RABL6: variants seen among roughly 807,000 people sequenced by gnomAD.
The protein encoded by RABL6 is rab-like protein 6.
A neutral mutation model predicts 72.9 loss-of-function variants in RABL6; 28 were observed. The ratio of observed to expected loss-of-function variants is 0.38; its 90% CI spans 0.28 to 0.53. The LOEUF (loss-of-function observed/expected upper bound fraction) is 0.53, where lower values mean the gene tolerates loss of function less well. Among genes scored for constraint, RABL6 ranks in the 20% least tolerant of loss-of-function variants. The probability of loss-of-function intolerance (pLI) is 0.80; values close to 1 mark genes in which losing one functional copy is unlikely to be tolerated. For missense variants in RABL6, 1,029 were observed against 1,008.4 expected (o/e 1.02, Z -0.28); for synonymous variants, 477 against 421.2 (o/e 1.13, Z -1.62).
intron 1 of RABL6, among the ~76,000 whole-genome samples, chr9:136,819,531 A>G (rs1848196686): frequency 6.6e-6 from 1 of 152,172 alleles, no homozygotes; most frequent in Non-Finnish European, 1.5e-5. Flanking sequence ...TGTGGTGTAT[A>G]AGAGACACAT....
intron 10 of RABL6, among the ~76,000 whole-genome samples, chr9:136,838,334 C>T (rs1185327774): frequency 6.6e-6 from 1 of 152,188 alleles, no homozygotes. Context: ...TTCAGGCCAC[C>T]AGATGTGGTC....
chr9:136,823,984 G>A (rs932444980), intron 2 of RABL6, among the ~76,000 whole-genome samples: 10 of 152,368 alleles, frequency 6.6e-5, no homozygotes, highest in African/African-American at 2.4e-4. Context: ...CACCCTCTTG[G>A]TGCACATGGT....
At chr9:136,821,388 C>A (rs758597535) in intron 1 of RABL6, 2 of 985,354 alleles carry the variant, frequency 2.0e-6, no homozygotes, top group African/African-American at 1.7e-5. Context: ...GGAAGCACAG[C>A]GCGTGGGCCG....
intron 3 of RABL6, chr9:136,827,597 G>C (rs1482538255): frequency 6.6e-6 from 1 of 152,336 alleles, no homozygotes; most frequent in Non-Finnish European, 1.5e-5. Context: ...TGTGTGTGTT[G>C]GGGACTCTGC....
intron 1 of RABL6, among the ~76,000 whole-genome samples, chr9:136,810,297 T>C (rs1246576802): frequency 6.6e-6 from 1 of 152,158 alleles, no homozygotes; most frequent in African/African-American, 2.4e-5. Context: ...TGTGTGGTCC[T>C]GGGCGAGTGT....
In RABL6 at chr9:136,838,898, C is replaced by T; in HGVS notation, c.1281-11C>T. 1 of 1,561,578 alleles carries T rather than the reference C, an allele frequency of 6.4e-7. No individual in the cohort carries two copies. Among genetic ancestry groups the T allele is most frequent in the Non-Finnish European group, 8.7e-7 (1 of 1,151,954 alleles). ...CCGTGGCCCTTGACCGCTTTGCCCC[C>T]TGCTTTGCAGTGATGGGGAGGCCCT... On this transcript the variant is annotated splice_polypyrimidine_tract_variant and intron_variant, in intron 10 of 14. Transcript: ENST00000311502.
rs756590456 is a variant in RABL6 at position 136,838,005 on chromosome 9, G to T, written c.1270G>T (p.Asp424Tyr). 5 of 1,562,632 alleles carry T rather than the reference G, an allele frequency of 3.2e-6. No individual in the cohort carries two copies. The highest frequency in any genetic ancestry group is 4.3e-6 in the Non-Finnish European group (5 of 1,154,206). ...GGTGGGGGCCAAGGCTGCCCAGCAGGACAGCGACAGGTGAGGGGTGGGCCT... is the reference window on the plus strand; with the variant it reads ...GGTGGGGGCCAAGGCTGCCCAGCAGTACAGCGACAGGTGAGGGGTGGGCCT... Reference protein sequence around the residue: ...KKVGAKAAQQDSDSDGEALGG... With the variant: ...KKVGAKAAQQYSDSDGEALGG... Residue 424 changes from aspartate (D) to tyrosine (Y), a missense_variant, in exon 10 of 15, where the codon GAC becomes TAC. Coordinates refer to ENST00000311502, the MANE Select transcript of RABL6 (RefSeq NM_024718.5).
rs773415529 is a variant in RABL6 at position 136,825,768 on chromosome 9, C to T, written c.266-11C>T. ...TGTTGGGCACTAATTTTAGGATTCT[C>T]CCTGTTTCAGCCACGGATGACATCG... On this transcript the variant is annotated splice_polypyrimidine_tract_variant and intron_variant, in intron 2 of 14. Transcript: ENST00000311502. 1 of 1,613,152 alleles carries T rather than the reference C, an allele frequency of 6.2e-7. No individual in the cohort carries two copies. Among genetic ancestry groups the T allele is most frequent in the African/African-American group, 1.3e-5 (1 of 74,888 alleles).
At chr9:136,837,069 G>T in intron 8 of RABL6, 1 of 577,474 alleles carries the variant, frequency 1.7e-6, no homozygotes, top group South Asian at 1.9e-5. Context: ...TAGAGACGGG[G>T]TTTCACTGCG....
At chr9:136,832,695 A>T in intron 7 of RABL6, 1 of 385,230 alleles carries the variant, frequency 2.6e-6, no homozygotes, top group East Asian at 6.2e-5. Context: ...GCAGTGGCGC[A>T]ATCATGGCTC....
In RABL6 at chr9:136,826,433, G is replaced by A. The variant is rs965436500; in HGVS notation, c.313+607G>A. On this transcript the variant is annotated intron_variant, in intron 3 of 14. Coordinates refer to ENST00000311502, the MANE Select transcript of RABL6 (RefSeq NM_024718.5). This position sits in a 1 kb window ranked among gnomAD's most constrained non-coding sequence, Gnocchi z 4.9. ...GCAGGGCTGGCCACGTGCACGCCCCGGCCTCACAGGCCTGGCTGTGGCCTC... is the reference window on the plus strand; with the variant it reads ...GCAGGGCTGGCCACGTGCACGCCCCAGCCTCACAGGCCTGGCTGTGGCCTC... Among the ~76,000 whole-genome samples, 4 of 152,106 alleles carry A rather than the reference G, an allele frequency of 2.6e-5. No individual in the cohort carries two copies. The highest frequency in any genetic ancestry group is 4.4e-5 in the Non-Finnish European group (3 of 68,010).
In RABL6 at chr9:136,840,699, C is replaced by T. The variant is rs538465469; in HGVS notation, c.*177C>T. The T allele has an allele frequency of 1.2e-3, 1,924 of 1,548,936 alleles. 3 individuals are homozygous for T. The highest frequency in any genetic ancestry group is 1.6e-3 in the Non-Finnish European group (1,803 of 1,146,850). On this transcript the variant is annotated 3_prime_UTR_variant, in exon 15 of 15. Coordinates refer to ENST00000311502, the MANE Select transcript of RABL6 (RefSeq NM_024718.5). The stretch of plus-strand genomic sequence containing the variant: ...CTGGGCCCTGCAGGTGCTGGGCCTT[C>T]AGGCCCAGTGTGAGCCTGCTCTGCA...
At chr9:136,830,028 G>C (rs747899984) in intron 5 of RABL6, among the ~76,000 whole-genome samples, 1 of 152,242 alleles carries the variant, frequency 6.6e-6, no homozygotes, top group Non-Finnish European at 1.5e-5. Context: ...GCCCCAGCGG[G>C]GGGGTGCTGC....
Position 136,838,947 on chromosome 9 carries a change from G to C in RABL6, c.1319G>C (p.Gly440Ala), listed in dbSNP as rs1564373183. The change falls in exon 11 of 15, where the codon GGG (glycine) becomes GCG (alanine). Residue 440 changes from glycine (G) to alanine (A), a missense_variant. By Grantham distance (60) the Gly-to-Ala change is moderately conservative. This residue lies in a region of RABL6 where 595 missense variants were observed against 472.4 expected (regional missense o/e 1.26). Coordinates refer to ENST00000311502, the MANE Select transcript of RABL6 (RefSeq NM_024718.5). ...EALGGNPMVA[G>A]FQDDVDLEDQ... ...CTGGGCGGCAACCCGATGGTGGCAG[G>C]GTTCCAGGACGATGTGGACCTCGAA... 5.6e-6 allele frequency: 9 copies of C among 1,608,256 alleles called. No individual in the cohort carries two copies. Among genetic ancestry groups the C allele is most frequent in the East Asian group, 2.2e-5 (1 of 44,768 alleles).
intron 6 of RABL6, 85 bp from the exon 7 acceptor site, chr9:136,832,180 G>GAAA: frequency 7.8e-7 from 1 of 1,285,530 alleles, no homozygotes; most frequent in Non-Finnish European, 1.1e-6. Flanking sequence ...AGGGCAGTGC[G>GAAA]GACCCACAGC....
chr9:136,840,243 G>A (rs754036966), intron 14 of RABL6, 31 bp downstream of exon 14: 3 of 1,612,726 alleles, frequency 1.9e-6, no homozygotes, highest in South Asian at 1.1e-5. Flanking sequence ...TGGCAGGCCA[G>A]GACTGGGTGG....
Position 136,823,582 on chromosome 9 carries a change from T to A in RABL6, c.188T>A (p.Leu63Gln), listed in dbSNP as rs1388644175. The part of the protein sequence containing the change: ...NTGKTALWHR[L>Q]QGRPFVEEYI... Reference sequence around the variant, plus strand: ...GGCAAGACAGCGCTGTGGCACCGCCTGCAGGGCCGGCCGTTCGTGGAGGAG... The same window carrying A: ...GGCAAGACAGCGCTGTGGCACCGCCAGCAGGGCCGGCCGTTCGTGGAGGAG... Residue 63 changes from leucine (L) to glutamine (Q), a missense_variant, in exon 2 of 15, where the codon CTG becomes CAG. Leu to Gln is a moderately radical substitution (Grantham distance 113). Around this residue, in one of 2 missense-constraint regions of RABL6, gnomAD observed 434 missense variants for 536.1 expected, o/e 0.81. Coordinates refer to ENST00000311502, the MANE Select transcript of RABL6 (RefSeq NM_024718.5). The A allele has an allele frequency of 6.2e-7, 1 of 1,613,876 alleles. No individual in the cohort carries two copies. Among genetic ancestry groups the A allele is most frequent in the Non-Finnish European group, 8.5e-7 (1 of 1,179,854 alleles).
At chr9:136,811,278 G>C (rs1848005619) in intron 1 of RABL6, among the ~76,000 whole-genome samples, 1 of 152,058 alleles carries the variant, frequency 6.6e-6, no homozygotes, top group Non-Finnish European at 1.5e-5. Flanking sequence ...CACAAAGGCG[G>C]GACAACTTGA....
At chr9:136,837,804 T>A in intron 9 of RABL6, 58 bp from the exon 10 acceptor site, 1 of 1,541,730 alleles carries the variant, frequency 6.5e-7, no homozygotes, top group South Asian at 1.2e-5. Context: ...TGGCTTGGGG[T>A]TGGGTGCAGT....
Sources: allele counts gnomAD v4.1 joint callset (sites outside exome capture counted in the v4.1 genomes callset), GRCh38; gene constraint gnomAD v4.1.1; regional missense constraint gnomAD v4.1.1; non-coding constraint Gnocchi (gnomAD v3.1); transcripts MANE v1.5; gene names NCBI Gene and HGNC (gene_info 2026-07-23, HGNC 2026-07-21).